The following NRP1 variants were observed in gnomAD, a reference collection of about 807,000 sequenced individuals.
NRP1 encodes neuropilin-1.
Under a neutral mutation model 106.7 loss-of-function variants are expected in NRP1, and 35 were observed. That is an observed-to-expected ratio of 0.33 (90% CI 0.25 to 0.43). The LOEUF (loss-of-function observed/expected upper bound fraction) is 0.43. Among genes scored for constraint, NRP1 ranks in the 20% least tolerant of loss-of-function variants. NRP1 has a pLI of 1.00. For missense variants in NRP1, 1,024 were observed against 1,170.4 expected (o/e 0.87, Z 1.83); for synonymous variants, 437 against 417.9 (o/e 1.05, Z -0.56).
chr10:33,246,122 ATTTC>A (rs760694191), intron 6 of NRP1, among the ~76,000 whole-genome samples: 3 of 143,308 alleles, frequency 2.1e-5, no homozygotes, highest in South Asian at 4.5e-4. Flanking sequence ...CATATTGGTA[ATTTC>A]TTTCTTTTTT....
intron 6 of NRP1, among the ~76,000 whole-genome samples, chr10:33,249,724 T>C (rs769280345): frequency 2.6e-5 from 4 of 152,200 alleles, no homozygotes; most frequent in Non-Finnish European, 5.9e-5. Context: ...TAGCTCAGGA[T>C]ATGAAGTGGC....
chr10:33,224,589 T>G (rs1839512204), intron 7 of NRP1, among the ~76,000 whole-genome samples: 1 of 151,360 alleles, frequency 6.6e-6, no homozygotes, highest in Admixed American at 6.6e-5. Flanking sequence ...TCAGGGTACC[T>G]GTGCAGGATG....
intron 2 of NRP1, among the ~76,000 whole-genome samples, chr10:33,319,501 T>A (rs1486305245): frequency 2.0e-5 from 3 of 151,836 alleles, no homozygotes; most frequent in Admixed American, 2.0e-4. Context: ...CTGTGGAAGC[T>A]TTGTTCTTTC....
intron 9 of NRP1, chr10:33,212,348 G>A (rs997345053): frequency 2.0e-5 from 3 of 152,186 alleles, no homozygotes; most frequent in Non-Finnish European, 4.4e-5. Context: ...CCAGCCTTTC[G>A]AAGGATGGAA....
At chr10:33,219,904 T>A (rs1370708809) in intron 8 of NRP1, among the ~76,000 whole-genome samples, 1 of 152,224 alleles carries the variant, frequency 6.6e-6, no homozygotes, top group Non-Finnish European at 1.5e-5. Context: ...TCTACAAATT[T>A]ATGAATAACA....
chr10:33,286,479 A>G (rs1479118534), intron 2 of NRP1, among the ~76,000 whole-genome samples: 2 of 152,064 alleles, frequency 1.3e-5, no homozygotes, highest in African/African-American at 4.8e-5. Flanking sequence ...TTGTGATGAG[A>G]ATGAAGATAA....
intron 8 of NRP1, 187 bp from the exon 9 acceptor site, chr10:33,213,904 C>T (rs1052037339): frequency 4.7e-5 from 27 of 569,828 alleles, no homozygotes; most frequent in East Asian, 1.2e-4. Flanking sequence ...TCAGAATTCC[C>T]GTCTCTAAAC....
chr10:33,321,450 A>G (rs1017577433), intron 2 of NRP1, among the ~76,000 whole-genome samples: 1 of 152,222 alleles, frequency 6.6e-6, no homozygotes, highest in Non-Finnish European at 1.5e-5. Context: ...AGGGGTTACC[A>G]CATCTAAAAC....
intron 11 of NRP1, chr10:33,202,285 T>G: frequency 5.9e-6 from 1 of 169,808 alleles, no homozygotes; most frequent in Non-Finnish European, 1.3e-5. Flanking sequence ...TTTTAGGAGA[T>G]TAGAGAGTAA....
At position 33,192,524 on chromosome 10, in the gene NRP1, C is replaced by G; in HGVS notation, c.1925-106G>C. 7.6e-6 allele frequency: 9 copies of G among 1,185,138 alleles called. No individual in the cohort carries two copies. In the South Asian group the frequency reaches 1.2e-4, roughly 16 times the overall value. 73.4% of individuals were successfully genotyped at this position (1,185,138 alleles called of 1,614,324 possible). ...TCACTCATGGAAAGCACGATTTATA[C>G]AACTTTATGTCTGTTTGAAAATTCC... is the stretch of plus-strand genomic sequence containing the variant. On this transcript the variant is annotated intron_variant, in intron 12 of 16. Transcript: ENST00000374867.
chr10:33,330,121 A>G (rs1316559602), intron 2 of NRP1, among the ~76,000 whole-genome samples: 3 of 152,214 alleles, frequency 2.0e-5, no homozygotes, highest in Non-Finnish European at 4.4e-5. Flanking sequence ...AGCATTTTCC[A>G]TAAAAGTATT....
At chr10:33,221,060 T>A (rs1185137735) in intron 8 of NRP1, among the ~76,000 whole-genome samples, 2 of 151,880 alleles carry the variant, frequency 1.3e-5, no homozygotes, top group Non-Finnish European at 2.9e-5. Flanking sequence ...GGGGTTACAA[T>A]TAGTTGTCTA....
intron 2 of NRP1, among the ~76,000 whole-genome samples, chr10:33,284,363 T>A (rs1844360706): frequency 2.0e-5 from 3 of 152,206 alleles, no homozygotes; most frequent in Admixed American, 2.0e-4. Flanking sequence ...ATTGATAGTG[T>A]AGATAAAGTC....
At chr10:33,315,700 G>C (rs555704260) in intron 2 of NRP1, among the ~76,000 whole-genome samples, 2 of 137,880 alleles carry the variant, frequency 1.5e-5, no homozygotes, top group Admixed American at 1.6e-4. Flanking sequence ...ACGGTTCTGA[G>C]AAGTGTCAGA....
intron 6 of NRP1, among the ~76,000 whole-genome samples, chr10:33,237,659 A>C (rs951046016): frequency 7.0e-6 from 1 of 143,518 alleles, no homozygotes; most frequent in Non-Finnish European, 1.5e-5. Flanking sequence ...GCTCACTGCA[A>C]CCTCCACCTC....
At position 33,186,271 on chromosome 10, in the gene NRP1, A is replaced by G. The variant is rs1390894246; in HGVS notation, c.2280T>C (p.Gly760=). 1 of 1,613,836 alleles carries G rather than the reference A, an allele frequency of 6.2e-7. No homozygotes were observed. The change falls in exon 14 of 17, where the codon GGT becomes GGC. Residue 760 remains glycine, a synonymous_variant. Transcript: ENST00000374867. ...QLVWMAIGHQ[G]DHWKEGRVLL... Reference sequence around the variant, plus strand: ...AGACACGCCCTTCCTTCCAGTGGTCACCTTGGTGTCCAATGGCCATCCAGA... The same window carrying G: ...AGACACGCCCTTCCTTCCAGTGGTCGCCTTGGTGTCCAATGGCCATCCAGA...
chr10:33,224,085 T>C (rs1839467523), intron 7 of NRP1, among the ~76,000 whole-genome samples: 1 of 152,128 alleles, frequency 6.6e-6, no homozygotes, highest in Admixed American at 6.5e-5. Context: ...GCCCCTAAAG[T>C]ACAGAGAAAG....
At chr10:33,289,131 AG>A (rs1844797552) in intron 2 of NRP1, among the ~76,000 whole-genome samples, 1 of 152,236 alleles carries the variant, frequency 6.6e-6, no homozygotes, top group Non-Finnish European at 1.5e-5. Flanking sequence ...TAAATCGTTT[AG>A]GAACTAGCTC....
intron 2 of NRP1, among the ~76,000 whole-genome samples, chr10:33,273,733 G>A (rs1843479274): frequency 6.6e-6 from 1 of 152,178 alleles, no homozygotes; most frequent in Non-Finnish European, 1.5e-5. Flanking sequence ...TTACGTCTGA[G>A]GAATTTAATT....
Sources: allele counts gnomAD v4.1 joint callset (sites outside exome capture counted in the v4.1 genomes callset), GRCh38; gene constraint gnomAD v4.1.1; transcripts MANE v1.5; gene names NCBI Gene and HGNC (gene_info 2026-07-23, HGNC 2026-07-21).